Variants in PDE4B observed in about 807,000 individuals in gnomAD.
PDE4B encodes the protein phosphodiesterase 4B, also known as 3',5'-cyclic-AMP phosphodiesterase 4B.
Under a neutral mutation model 82.2 loss-of-function variants are expected in PDE4B, and 20 were observed. The ratio of observed to expected loss-of-function variants is 0.24; its 90% CI spans 0.17 to 0.35. The LOEUF (loss-of-function observed/expected upper bound fraction) is 0.35, where lower values mean the gene tolerates loss of function less well. Ranked by LOEUF, PDE4B falls within the 10% of genes least tolerant of loss-of-function variation. PDE4B has a pLI of 1.00. For missense variants in PDE4B, 655 were observed against 907.2 expected (o/e 0.72, Z 3.57); for synonymous variants, 320 against 318.9 (o/e 1.00, Z -0.04).
intron 3 of PDE4B, among the ~76,000 whole-genome samples, chr1:66,217,988 AT>A (rs1213734868): frequency 1.3e-5 from 2 of 152,120 alleles, no homozygotes; most frequent in Non-Finnish European, 2.9e-5. Flanking sequence ...GAAATGTGTT[AT>A]AGAAAGATTA....
chr1:66,279,322 G>A (rs963845410), intron 7 of PDE4B, among the ~76,000 whole-genome samples: 1 of 152,118 alleles, frequency 6.6e-6, no homozygotes, highest in African/African-American at 2.4e-5. Flanking sequence ...TGAGCCAAGA[G>A]GAAGGAGGAG....
intron 3 of PDE4B, among the ~76,000 whole-genome samples, chr1:66,122,328 A>AT (rs950613336): frequency 1.4e-4 from 22 of 152,234 alleles, no homozygotes; most frequent in African/African-American, 3.9e-4. Flanking sequence ...ATATCTGCTG[A>AT]TTTTTTTCAC....
chr1:66,141,320 C>T (rs752232369), intron 3 of PDE4B, among the ~76,000 whole-genome samples: 4 of 97,166 alleles, frequency 4.1e-5, no homozygotes, highest in Non-Finnish European at 5.6e-5. Flanking sequence ...AGATAGAAAG[C>T]TTTGAGAATA....
chr1:66,332,500 G>A lies in PDE4B; in HGVS notation c.635-8G>A. The A allele has an allele frequency of 1.9e-6, 3 of 1,614,180 alleles. No homozygotes were observed. The highest frequency in any genetic ancestry group is 2.5e-6 in the Non-Finnish European group (3 of 1,180,036). On this transcript the variant is annotated splice_polypyrimidine_tract_variant and splice_region_variant and intron_variant, in intron 7 of 16. Coordinates refer to ENST00000341517, the MANE Select transcript of PDE4B (RefSeq NM_002600.4). ...AGCCTAACTACATGCCTGTGTGTTT[G>A]TTTGCAGAAGAATCTTATCAAAAAT... is the stretch of plus-strand genomic sequence containing the variant.
chr1:66,088,785 G>A (rs781661257), intron 3 of PDE4B, among the ~76,000 whole-genome samples: 4 of 152,034 alleles, frequency 2.6e-5, no homozygotes, highest in Non-Finnish European at 4.4e-5. Flanking sequence ...CCATCTCCAA[G>A]TAAGATTTAG....
intron 3 of PDE4B, among the ~76,000 whole-genome samples, chr1:66,203,955 G>GT (rs1649286015): frequency 1.3e-5 from 2 of 152,270 alleles, no homozygotes; most frequent in Admixed American, 6.5e-5. Flanking sequence ...TTTCTGCTCT[G>GT]TTTTTTCCCC....
chr1:66,255,698 G>T (rs1000058082), intron 4 of PDE4B, among the ~76,000 whole-genome samples: 1 of 152,056 alleles, frequency 6.6e-6, no homozygotes, highest in Non-Finnish European at 1.5e-5. Context: ...ACCTGTAATT[G>T]TCATGTTTCC....
chr1:66,312,723 C>T (rs2101870592), intron 7 of PDE4B, among the ~76,000 whole-genome samples: 1 of 152,318 alleles, frequency 6.6e-6, no homozygotes, highest in South Asian at 2.1e-4. Context: ...GCAGGATCAA[C>T]AAACTACAGC....
At chr1:66,329,242 G>A (rs1315990790) in intron 7 of PDE4B, among the ~76,000 whole-genome samples, 1 of 152,166 alleles carries the variant, frequency 6.6e-6, no homozygotes, top group Non-Finnish European at 1.5e-5. Flanking sequence ...TGTGACAAGT[G>A]TACCATAATA....
chr1:66,072,968 A>T (rs970876554), intron 3 of PDE4B, among the ~76,000 whole-genome samples: 1 of 151,982 alleles, frequency 6.6e-6, no homozygotes, highest in African/African-American at 2.4e-5. Flanking sequence ...AACAGCAAAT[A>T]AAAAAAATCC....
intron 1 of PDE4B, among the ~76,000 whole-genome samples, chr1:65,819,150 A>G (rs1645921358): frequency 1.3e-5 from 2 of 152,216 alleles, no homozygotes; most frequent in Non-Finnish European, 2.9e-5. Context: ...TTCATTGGCC[A>G]AAGCAAGCCA....
chr1:66,204,391 T>A (rs510278), intron 3 of PDE4B, among the ~76,000 whole-genome samples: 28,738 of 152,256 alleles, frequency 0.19, 2,845 homozygotes, highest in Non-Finnish European at 0.22. Flanking sequence ...CAGGGACGTT[T>A]AAGTTTGCAG....
chr1:66,243,458 G>A (rs967146430), intron 3 of PDE4B, among the ~76,000 whole-genome samples: 2 of 152,160 alleles, frequency 1.3e-5, no homozygotes, highest in African/African-American at 2.4e-5. Flanking sequence ...ATGTATTGGG[G>A]AGCAGTAAAT....
chr1:66,030,580 C>A (rs918464193), intron 3 of PDE4B, among the ~76,000 whole-genome samples: 5 of 152,092 alleles, frequency 3.3e-5, no homozygotes, highest in Non-Finnish European at 5.9e-5. Flanking sequence ...CTTCCTTATT[C>A]AATCTACTAT....
At chr1:65,878,264 C>T (rs1646670571) in intron 1 of PDE4B, among the ~76,000 whole-genome samples, 1 of 152,180 alleles carries the variant, frequency 6.6e-6, no homozygotes, top group Admixed American at 6.5e-5. Flanking sequence ...GAAATAGGAA[C>T]ACTTTTACAT....
chr1:66,171,207 G>A (rs1332334576), intron 3 of PDE4B, among the ~76,000 whole-genome samples: 2 of 151,988 alleles, frequency 1.3e-5, no homozygotes, highest in African/African-American at 4.8e-5. Flanking sequence ...GACATTCAAG[G>A]AAAAGGAATT....
chr1:65,935,946 CAAA>C (rs1648105241), intron 3 of PDE4B, among the ~76,000 whole-genome samples: 1 of 151,798 alleles, frequency 6.6e-6, no homozygotes, highest in Non-Finnish European at 1.5e-5. Context: ...TCAAAAAAAA[CAAA>C]ACAACAACAA....
chr1:65,834,048 G>A (rs1412456192), intron 1 of PDE4B, among the ~76,000 whole-genome samples: 1 of 151,860 alleles, frequency 6.6e-6, no homozygotes, highest in Non-Finnish European at 1.5e-5. Flanking sequence ...TCTTTCTTTC[G>A]TTCTCTGTTT....
intron 3 of PDE4B, among the ~76,000 whole-genome samples, chr1:65,989,893 A>ATT (rs10654149): frequency 0.81 from 115,728 of 142,400 alleles, 48,032 homozygotes; most frequent in East Asian, 0.97. Flanking sequence ...AAAGTGTCTC[A>ATT]TTTTTTTTTT....
Sources: gnomAD v4.1 joint callset for allele counts (sites outside exome capture counted in the v4.1 genomes callset) on GRCh38, gnomAD v4.1.1 for gene constraint, MANE v1.5 for transcripts, NCBI Gene and HGNC (gene_info 2026-07-23, HGNC 2026-07-21) for gene names.